DDAH1: variants seen among roughly 807,000 people sequenced by gnomAD.
DDAH1 encodes N(G),N(G)-dimethylarginine dimethylaminohydrolase 1.
In DDAH1, 19 loss-of-function variants were observed where a neutral mutation model predicts 28.8. The observed-to-expected ratio is 0.66, with a 90% CI of 0.46 to 0.97. The LOEUF (loss-of-function observed/expected upper bound fraction) is 0.97. Among genes scored for constraint, DDAH1 ranks in the 50% least tolerant of loss-of-function variants. DDAH1 has a pLI of 0.00. For missense variants in DDAH1, 326 were observed against 375.9 expected (o/e 0.87, Z 1.10); for synonymous variants, 153 against 154.4 (o/e 0.99, Z 0.07).
At chr1:85,323,026 G>T (rs1249868415) in intron 5 of DDAH1, among the ~76,000 whole-genome samples, 1 of 152,040 alleles carries the variant, frequency 6.6e-6, no homozygotes, top group East Asian at 1.9e-4. Context: ...CTAAGAGCTG[G>T]GTAAGCCCCA....
intron 2 of DDAH1, among the ~76,000 whole-genome samples, chr1:85,479,118 T>A (rs938420769): frequency 1.1e-4 from 17 of 151,576 alleles, no homozygotes; most frequent in Non-Finnish European, 2.4e-4. Context: ...AAGCTTAAAG[T>A]AGTTAATAAT....
At chr1:85,424,901 A>G (rs577720216) in intron 1 of DDAH1, among the ~76,000 whole-genome samples, 1 of 152,224 alleles carries the variant, frequency 6.6e-6, no homozygotes, top group South Asian at 2.1e-4. Flanking sequence ...ATAAACACAT[A>G]GGAAGAGATA....
At chr1:85,531,503 T>C (rs1478921212) in intron 1 of DDAH1, among the ~76,000 whole-genome samples, 2 of 152,226 alleles carry the variant, frequency 1.3e-5, no homozygotes, top group Admixed American at 1.3e-4. Context: ...AGACCTACCA[T>C]TTATTATACA....
Position 85,434,417 on chromosome 1 carries a change from G to GT in DDAH1, c.303+30325dup, listed in dbSNP as rs1156383221. Among the ~76,000 whole-genome samples, 304 of 145,844 alleles carry GT rather than the reference G, an allele frequency of 2.1e-3. 8 individuals carry two copies. The highest frequency in any genetic ancestry group is 0.018 in the Admixed American group (269 of 14,712). ...TATTAAAGTATCATATTGTATGTGT[G>GT]TTTTGTTTTTTTTTTGAGACAGGGT... On this transcript the variant is annotated intron_variant, in intron 1 of 5. Coordinates refer to ENST00000284031, the MANE Select transcript of DDAH1 (RefSeq NM_012137.4).
intron 1 of DDAH1, among the ~76,000 whole-genome samples, chr1:85,389,234 A>AAAAC (rs148493870): frequency 1.8e-4 from 28 of 152,236 alleles, no homozygotes; most frequent in African/African-American, 2.6e-4. Context: ...ATCCTGTCTC[A>AAAAC]AAACAAACAA....
At chr1:85,525,306 A>C (rs1657825963) in intron 1 of DDAH1, among the ~76,000 whole-genome samples, 2 of 152,050 alleles carry the variant, frequency 1.3e-5, no homozygotes, top group Admixed American at 6.5e-5. Flanking sequence ...CTCGTACAGC[A>C]TATGTATCTA....
intron 1 of DDAH1, among the ~76,000 whole-genome samples, chr1:85,537,894 A>G (rs1229765650): frequency 2.0e-5 from 3 of 151,888 alleles, no homozygotes; most frequent in African/African-American, 4.8e-5. Flanking sequence ...AAAAACCAAA[A>G]AACAAAAAAA....
At chr1:85,425,112 G>C (rs1290622725) in intron 1 of DDAH1, among the ~76,000 whole-genome samples, 1 of 151,980 alleles carries the variant, frequency 6.6e-6, no homozygotes, top group Non-Finnish European at 1.5e-5. Context: ...TTTCATGTGA[G>C]CTGTCATGTC....
chr1:85,526,037 T>C lies in DDAH1; in HGVS notation c.-122-29756A>G, dbSNP rs567211300. ...GAGCTCCTCTGTTTCAGAATGGCCATGTGAAAATTCTGCCACAGATTTTGA... is the reference window on the plus strand; with the variant it reads ...GAGCTCCTCTGTTTCAGAATGGCCACGTGAAAATTCTGCCACAGATTTTGA... On this transcript the variant is annotated intron_variant, in intron 1 of 6. Coordinates refer to the DDAH1 transcript ENST00000426972. 1.8e-4 allele frequency among the ~76,000 whole-genome samples: 27 copies of C among 152,332 alleles called. No homozygotes were observed. The East Asian group carries it at 4.4e-3, about 25-fold the overall frequency.
At chr1:85,514,795 A>G (rs1413839234) in intron 1 of DDAH1, among the ~76,000 whole-genome samples, 2 of 152,104 alleles carry the variant, frequency 1.3e-5, no homozygotes, top group Admixed American at 6.5e-5. Flanking sequence ...ATGCCTCCAT[A>G]AATCGCTGAG....
intron 1 of DDAH1, among the ~76,000 whole-genome samples, chr1:85,436,236 A>AT (rs71582955): frequency 6.8e-6 from 1 of 146,472 alleles, no homozygotes; most frequent in Non-Finnish European, 1.5e-5. Flanking sequence ...AATTTAAAAA[A>AT]TTTTTTTTTC....
intron 4 of DDAH1, among the ~76,000 whole-genome samples, chr1:85,347,187 C>T (rs988840176): frequency 1.3e-5 from 2 of 152,214 alleles, no homozygotes; most frequent in African/African-American, 4.8e-5. Flanking sequence ...ACTAGTTCAA[C>T]CATTGTGGAA....
Position 85,496,222 on chromosome 1 carries a change from C to T in DDAH1, c.-63G>A, listed in dbSNP as rs574613705. ...ATAGCTCTTGCTTTGTATTTTGAAG[C>T]ATTTCCTACTGAAAAGTCTTGGCCA... is the stretch of plus-strand genomic sequence containing the variant. On this transcript the variant is annotated 5_prime_UTR_variant, in exon 2 of 7. Transcript: ENST00000426972. 14 of 985,294 alleles carry T rather than the reference C, an allele frequency of 1.4e-5. No homozygotes were observed. In the East Asian group the frequency reaches 1.1e-3, roughly 80 times the overall value. The allele number at this position is 985,294 out of a possible 1,614,324, so 61.0% of individuals were successfully genotyped here.
chr1:85,508,648 C>A (rs530767010), intron 1 of DDAH1, among the ~76,000 whole-genome samples: 1 of 152,348 alleles, frequency 6.6e-6, no homozygotes, highest in Admixed American at 6.5e-5. Context: ...GTCTTAGCAA[C>A]CGGCAGACAA....
chr1:85,411,870 G>C (rs1243683254), intron 1 of DDAH1, among the ~76,000 whole-genome samples: 1 of 152,156 alleles, frequency 6.6e-6, no homozygotes, highest in Non-Finnish European at 1.5e-5. Context: ...CGACACCTCA[G>C]CCTCAGCACT....
chr1:85,568,667 A>G (rs1659374181), intron 1 of DDAH1, among the ~76,000 whole-genome samples: 1 of 152,222 alleles, frequency 6.6e-6, no homozygotes, highest in South Asian at 2.1e-4. Flanking sequence ...ATTCCTTATG[A>G]ATGAGAGTTC....
chr1:85,374,493 T>A (rs1035126767), intron 1 of DDAH1, among the ~76,000 whole-genome samples: 1 of 152,142 alleles, frequency 6.6e-6, no homozygotes, highest in African/African-American at 2.4e-5. Flanking sequence ...TCTGAGAGGT[T>A]TATTTAAAGC....
At chr1:85,444,984 T>TG (rs1654368327) in intron 1 of DDAH1, among the ~76,000 whole-genome samples, 1 of 152,132 alleles carries the variant, frequency 6.6e-6, no homozygotes, top group Non-Finnish European at 1.5e-5. Context: ...CTGAAGAACT[T>TG]GGAGTCCAAT....
intron 1 of DDAH1, among the ~76,000 whole-genome samples, chr1:85,460,947 G>A (rs1358519104): frequency 1.3e-5 from 2 of 152,090 alleles, no homozygotes; most frequent in Non-Finnish European, 2.9e-5. Flanking sequence ...TACATTATTT[G>A]ACATTTAAAC....
Sources: gnomAD v4.1 joint callset for allele counts (sites outside exome capture counted in the v4.1 genomes callset) on GRCh38, gnomAD v4.1.1 for gene constraint, MANE v1.5 for transcripts, NCBI Gene and HGNC (gene_info 2026-07-23, HGNC 2026-07-21) for gene names.